PGS1: variants seen among roughly 807,000 people sequenced by gnomAD.
The protein encoded by PGS1 is CDP-diacylglycerol--glycerol-3-phosphate 3-phosphatidyltransferase, mitochondrial.
Under a neutral mutation model 58.3 loss-of-function variants are expected in PGS1, and 44 were observed. The observed-to-expected ratio is 0.75, with a 90% CI of 0.59 to 0.97. The LOEUF (loss-of-function observed/expected upper bound fraction) is 0.97, where lower values mean the gene tolerates loss of function less well. PGS1 is among the 50% of genes least tolerant of loss of function. The pLI is 0.00. For missense variants in PGS1, 684 were observed against 731.1 expected (o/e 0.94, Z 0.74); for synonymous variants, 330 against 311.0 (o/e 1.06, Z -0.64).
chr17:78,421,012 GATT>G (rs1406957143), intron 9 of PGS1: 1 of 152,064 alleles, frequency 6.6e-6, no homozygotes. Context: ...TAATTTTTTC[GATT>G]ATTTGACTTG....
In PGS1 at chr17:78,385,702, G is replaced by A. The variant is rs545681142; in HGVS notation, c.144-6774G>A. 1.1e-3 allele frequency among the ~76,000 whole-genome samples: 162 copies of A among 152,350 alleles called. 1 individual carries two copies. Among genetic ancestry groups the A allele is most frequent in the African/African-American group, 3.8e-3 (158 of 41,590 alleles). ...CTCTGAAAGTGCTGGGATTACAGCC[G>A]TGAGCCACTGTGCCCGGCCCCCGGG... On this transcript the variant is annotated intron_variant, in intron 1 of 9. Transcript: ENST00000262764.
rs375752636 is a variant in PGS1, at chr17:78,409,035, C to T, written c.1402+4946C>T. ...TGCTGGGTTGCCAGTAAGCTCGCTTCGAGGTCTTGAGAGGCAGTGCAGGGG... is the reference window on the plus strand; with the variant it reads ...TGCTGGGTTGCCAGTAAGCTCGCTTTGAGGTCTTGAGAGGCAGTGCAGGGG... On this transcript the variant is annotated intron_variant, in intron 7 of 9. Transcript: ENST00000262764. Among the ~76,000 whole-genome samples the T allele has an allele frequency of 5.0e-4, 76 of 152,306 alleles. 1 individual carries two copies. The highest frequency in any genetic ancestry group is 1.6e-3 in the African/African-American group (65 of 41,566).
chr17:78,398,046 G>T (rs541868515), intron 3 of PGS1: 3 of 638,224 alleles, frequency 4.7e-6, no homozygotes, highest in African/African-American at 3.6e-5. Flanking sequence ...GGCCTGGGCC[G>T]ATCAGGCCCC....
Position 78,419,635 on chromosome 17 carries a change from G to C in PGS1, c.1641G>C (p.Met547Ile). 6.2e-7 allele frequency: 1 copy of C among 1,614,056 alleles called. No individual in the cohort carries two copies. The highest frequency in any genetic ancestry group is 8.5e-7 in the Non-Finnish European group (1 of 1,179,980). The part of the protein sequence containing the change: ...PSRQVKLWVK[M>I]VTPLIKNFF ...GCCAGGTGAAGCTGTGGGTGAAGAT[G>C]GTGACTCCACTGATCAAGAACTTCT... Residue 547 changes from methionine to isoleucine, a missense_variant, in exon 9 of 10, where the codon ATG becomes ATC. Transcript: ENST00000262764.
At chr17:78,386,452 C>T (rs1000844232) in intron 1 of PGS1, among the ~76,000 whole-genome samples, 12 of 152,152 alleles carry the variant, frequency 7.9e-5, no homozygotes, top group African/African-American at 2.9e-4. Flanking sequence ...TCCCCAGCCC[C>T]CACCACTTCC....
At position 78,401,780 on chromosome 17, in the gene PGS1, T is replaced by C. The variant is rs2083684925; in HGVS notation, c.880+925T>C. On this transcript the variant is annotated intron_variant, in intron 6 of 9. Transcript: ENST00000262764. ...ATTTTGAATTTCATCTGTAAAGAGC[T>C]TGTGGAGCTCTGTATCTCTCTTGCT... Among the ~76,000 whole-genome samples the C allele has an allele frequency of 2.0e-5, 3 of 152,252 alleles. No individual in the cohort carries two copies. The South Asian group carries it at 6.2e-4, about 31-fold the overall frequency.
In PGS1 at chr17:78,423,949, G is replaced by A. The variant is rs143246806; in HGVS notation, c.*11-112G>A. On this transcript the variant is annotated intron_variant, in intron 9 of 9. Transcript: ENST00000262764. ...CGCCACGGCTGCCAGGATCCACTTC[G>A]CTGCCTTCTCTTTGGTCTTCAAGTT... The A allele has an allele frequency of 6.2e-5, 100 of 1,613,858 alleles. 1 individual carries two copies. Among genetic ancestry groups the A allele is most frequent in the South Asian group, 4.6e-4 (42 of 91,086 alleles).
intron 1 of PGS1, among the ~76,000 whole-genome samples, chr17:78,390,067 C>CCCCCCCCCCCCCCCCGCCCCCCT (rs1883308583): frequency 4.9e-5 from 7 of 143,492 alleles, no homozygotes; most frequent in African/African-American, 1.3e-4. Context: ...CCTGTTCCCC[C>CCCCCCCCCCCCCCCCGCCCCCCT]GCCCCCGACC....
At chr17:78,390,668 G>C (rs1239811123) in intron 1 of PGS1, among the ~76,000 whole-genome samples, 1 of 152,218 alleles carries the variant, frequency 6.6e-6, no homozygotes, top group Non-Finnish European at 1.5e-5. Context: ...TCCTGCTGCT[G>C]TTTGCAGGAC....
At chr17:78,408,671 C>A (rs941677826) in intron 7 of PGS1, among the ~76,000 whole-genome samples, 1 of 152,108 alleles carries the variant, frequency 6.6e-6, no homozygotes, top group Admixed American at 6.5e-5. Flanking sequence ...CTGATTCGGT[C>A]GTGAAGGAAG....
In PGS1 at chr17:78,419,596, C is replaced by G; in HGVS notation, c.1602C>G (p.Phe534Leu). 6.2e-7 allele frequency: 1 copy of G among 1,614,064 alleles called. No individual in the cohort carries two copies. Among genetic ancestry groups the G allele is most frequent in the South Asian group, 1.1e-5 (1 of 91,072 alleles). The change falls in exon 9 of 10, where the codon TTC (phenylalanine) becomes TTG (leucine). Residue 534 changes from phenylalanine to leucine, a missense_variant. Physicochemically the swap from Phe to Leu is conservative, Grantham distance 22 (BLOSUM62 0). Transcript: ENST00000262764. ...LRSGVVSSATFEQPSRQVKLW... is the reference protein window; with the variant it reads ...LRSGVVSSATLEQPSRQVKLW... ...CAGGTGTGGTGTCCTCTGCCACCTT[C>G]GAGCAGCCGAGTCGCCAGGTGAAGC...
At position 78,403,576 on chromosome 17, in the gene PGS1, G is replaced by A; in HGVS notation, c.889G>A (p.Ala297Thr). The A allele has an allele frequency of 1.2e-6, 2 of 1,610,128 alleles. No homozygotes were observed. The highest frequency in any genetic ancestry group is 1.7e-6 in the Non-Finnish European group (2 of 1,176,706). The change falls in exon 7 of 10, where the codon GCC becomes ACC. Residue 297 changes from alanine (A) to threonine (T), a missense_variant. Ala to Thr is a moderately conservative substitution (Grantham distance 58, BLOSUM62 0). Coordinates refer to ENST00000262764, the MANE Select transcript of PGS1 (RefSeq NM_024419.5). ...TTTCACGTCTTCCCCAGGGGACCGGGCCGAGTACTGCAAGGCAGCCAATAA... is the reference window on the plus strand; with the variant it reads ...TTTCACGTCTTCCCCAGGGGACCGGACCGAGTACTGCAAGGCAGCCAATAA... ...GMVHPYKGDR[A>T]EYCKAANKRV...
chr17:78,389,678 A>G (rs536144551), intron 1 of PGS1, among the ~76,000 whole-genome samples: 8 of 151,848 alleles, frequency 5.3e-5, no homozygotes, highest in Non-Finnish European at 1.0e-4. Flanking sequence ...CAGTGGTGCA[A>G]TCTTGGCTCA....
intron 2 of PGS1, among the ~76,000 whole-genome samples, chr17:78,394,979 G>T (rs182850807): frequency 6.6e-6 from 1 of 152,336 alleles, no homozygotes; most frequent in Non-Finnish European, 1.5e-5. Context: ...GGGTGGGCTT[G>T]CAGAGAGCAG....
chr17:78,404,168 T>G, intron 7 of PGS1, 79 bp downstream of exon 7: 90 of 1,396,620 alleles, frequency 6.4e-5, no homozygotes, highest in Non-Finnish European at 7.7e-5. Context: ...CCCTGGCGCC[T>G]ACCTGTTAGA....
Position 78,390,625 on chromosome 17 carries a change from G to A in PGS1, c.144-1851G>A, listed in dbSNP as rs58795468. On this transcript the variant is annotated intron_variant, in intron 1 of 9. Coordinates refer to ENST00000262764, the MANE Select transcript of PGS1 (RefSeq NM_024419.5). ...GATGTTTGAGCATCCTCTCCCCCAC[G>A]TCCCTCTTGAGGTCACACACTGAAG... Among the ~76,000 whole-genome samples the A allele has an allele frequency of 1.8e-4, 28 of 152,278 alleles. No homozygotes were observed. In the East Asian group the frequency reaches 5.2e-3, roughly 28 times the overall value.
chr17:78,418,301 AACGG>A (rs1568006504), intron 8 of PGS1, among the ~76,000 whole-genome samples: 2 of 152,158 alleles, frequency 1.3e-5, no homozygotes, highest in African/African-American at 4.8e-5. Context: ...AATTAAGAAA[AACGG>A]AAAGAAACTA....
At chr17:78,423,077 G>A (rs553078334) in intron 9 of PGS1, among the ~76,000 whole-genome samples, 235 of 147,952 alleles carry the variant, frequency 1.6e-3, no homozygotes, top group Admixed American at 3.9e-3. Context: ...CAGCCTGGGC[G>A]ACAAGAGTGA....
rs371546892 is a variant in PGS1, at chr17:78,400,670, C to T, written c.702-7C>T. The T allele has an allele frequency of 3.1e-6, 5 of 1,613,486 alleles. No homozygotes were observed. The highest frequency in any genetic ancestry group is 3.4e-6 in the Non-Finnish European group (4 of 1,179,676). ...GTCCTCCTCACCTGCATCTTCCCTC[C>T]CTGTAGTGCAAACCTGAGTGACTCC... On this transcript the variant is annotated splice_polypyrimidine_tract_variant and splice_region_variant and intron_variant, in intron 5 of 9. Transcript: ENST00000262764. The surrounding 1 kb of genome is among the most constrained non-coding windows in gnomAD (Gnocchi z 4.4).
Sources: allele counts gnomAD v4.1 joint callset (sites outside exome capture counted in the v4.1 genomes callset), GRCh38; gene constraint gnomAD v4.1.1; non-coding constraint Gnocchi (gnomAD v3.1); transcripts MANE v1.5; gene names NCBI Gene and HGNC (gene_info 2026-07-23, HGNC 2026-07-21).